Variants in ZDHHC18 observed in about 807,000 individuals in gnomAD.
ZDHHC18 encodes the protein zDHHC palmitoyltransferase 18, also known as palmitoyltransferase ZDHHC18.
ZDHHC18 carries 23 observed loss-of-function variants against 37.5 expected under a neutral mutation model. The ratio of observed to expected loss-of-function variants is 0.61; its 90% CI spans 0.44 to 0.87. The LOEUF (loss-of-function observed/expected upper bound fraction) is 0.87, where lower values mean the gene tolerates loss of function less well. Ranked by LOEUF, ZDHHC18 falls within the 40% of genes least tolerant of loss-of-function variation. ZDHHC18 has a pLI of 0.00. For missense variants in ZDHHC18, 406 were observed against 525.6 expected (o/e 0.77, Z 2.22); for synonymous variants, 185 against 218.7 (o/e 0.85, Z 1.36).
chr1:26,849,843 T>C (rs2081692995), intron 3 of ZDHHC18, among the ~76,000 whole-genome samples: 3 of 152,234 alleles, frequency 2.0e-5, no homozygotes, highest in Admixed American at 6.5e-5. Flanking sequence ...GTGCCGGCAC[T>C]GCTCTGGATC....
intron 2 of ZDHHC18, among the ~76,000 whole-genome samples, chr1:26,837,252 C>CA (rs201031285): frequency 0.016 from 1,978 of 126,342 alleles, 32 homozygotes; most frequent in African/African-American, 0.027. Context: ...GACTCTGTCT[C>CA]AAAAAAAATA....
At chr1:26,838,330 A>G (rs922234408) in intron 2 of ZDHHC18, among the ~76,000 whole-genome samples, 4 of 151,678 alleles carry the variant, frequency 2.6e-5, no homozygotes, top group African/African-American at 9.7e-5. Flanking sequence ...TTGTAGAAAC[A>G]GGGTCTTGCT....
intron 2 of ZDHHC18, among the ~76,000 whole-genome samples, chr1:26,846,186 CTATA>C (rs559321003): frequency 8.2e-6 from 1 of 121,506 alleles, no homozygotes; most frequent in South Asian, 2.7e-4. Context: ...ACACATATAT[CTATA>C]TACATACATA....
Position 26,832,564 on chromosome 1 carries a change from C to T in ZDHHC18, c.453C>T (p.Pro151=), listed in dbSNP as rs745473298. 4.3e-6 allele frequency: 7 copies of T among 1,614,066 alleles called. No homozygotes were observed. The highest frequency in any genetic ancestry group is 5.9e-6 in the Non-Finnish European group (7 of 1,180,030). Residue 151 remains proline, a synonymous_variant, in exon 2 of 8, where the codon CCC becomes CCT. Coordinates refer to ENST00000374142, the MANE Select transcript of ZDHHC18 (RefSeq NM_032283.3). ...QTSFTDPGIL[P]RATVCEAAAL... is the part of the protein sequence containing the mutation. ...GCTTCACCGACCCTGGGATCCTGCC[C>T]CGGGCCACTGTCTGTGAAGCAGCCG...
intron 2 of ZDHHC18, among the ~76,000 whole-genome samples, chr1:26,837,874 C>G (rs1387269218): frequency 6.6e-6 from 1 of 152,216 alleles, no homozygotes; most frequent in African/African-American, 2.4e-5. Context: ...CTGGCACCCC[C>G]AGCCACGCTG....
intron 1 of ZDHHC18, among the ~76,000 whole-genome samples, chr1:26,830,564 T>C (rs2081584349): frequency 6.6e-6 from 1 of 151,858 alleles, no homozygotes; most frequent in African/African-American, 2.4e-5. Flanking sequence ...GTACTTTGGA[T>C]GTTGCTAACA....
At chr1:26,831,656 G>A (rs1034811759) in intron 1 of ZDHHC18, among the ~76,000 whole-genome samples, 25 of 152,172 alleles carry the variant, frequency 1.6e-4, no homozygotes, top group African/African-American at 6.0e-4. Flanking sequence ...AGAGGGCTGT[G>A]GTAGGCAGCC....
chr1:26,855,964 C>T lies in ZDHHC18; in HGVS notation c.*2121C>T. The T allele has an allele frequency of 3.4e-6, 1 of 297,592 alleles. No homozygotes were observed. The highest frequency in any genetic ancestry group is 8.3e-5 in the East Asian group (1 of 12,002). The allele number at this position is 297,592 out of a possible 1,614,324, so 18.4% of individuals were successfully genotyped here. A position where few individuals can be genotyped will look rare whatever the true frequency, so the allele number is the denominator to read the frequency against. ...AGGCCATCCTGTCCCCTCTTTGTCC[C>T]CTCCACCTTCCCCTGCCTCAGGGGC... is the stretch of plus-strand genomic sequence containing the variant. On this transcript the variant is annotated 3_prime_UTR_variant, in exon 8 of 8. Coordinates refer to ENST00000374142, the MANE Select transcript of ZDHHC18 (RefSeq NM_032283.3).
At chr1:26,849,359 G>T (rs2081689650) in intron 3 of ZDHHC18, among the ~76,000 whole-genome samples, 1 of 152,140 alleles carries the variant, frequency 6.6e-6, no homozygotes, top group African/African-American at 2.4e-5. Context: ...TGTTGTAAGG[G>T]AAATAATGCA....
At chr1:26,836,704 G>A (rs2081613471) in intron 2 of ZDHHC18, among the ~76,000 whole-genome samples, 1 of 150,356 alleles carries the variant, frequency 6.7e-6, no homozygotes. Context: ...GAGTAGCTGG[G>A]ACTACAGGCA....
intron 5 of ZDHHC18, 50 bp from the exon 6 acceptor site, chr1:26,851,079 G>C (rs1295758115): frequency 1.3e-6 from 2 of 1,547,092 alleles, no homozygotes; most frequent in Admixed American, 3.3e-5. Context: ...GCCAGGTGTG[G>C]CTGGGAGGCT....
rs2081559285 is a variant in ZDHHC18 at position 26,826,877 on chromosome 1, C to G, written c.73C>G (p.Pro25Ala). 1.0e-6 allele frequency: 1 copy of G among 980,226 alleles called. No individual in the cohort carries two copies. Among genetic ancestry groups the G allele is most frequent in the South Asian group, 4.5e-5 (1 of 22,094 alleles). The allele number at this position is 980,226 out of a possible 1,614,324, so 60.7% of individuals were successfully genotyped here. Residue 25 changes from proline (P) to alanine (A), a missense_variant, in exon 1 of 8, where the codon CCC (proline) becomes GCC (alanine). Transcript: ENST00000374142. The surrounding 1 kb of genome is among the most constrained non-coding windows in gnomAD (Gnocchi z 5.2). ...GCCCGCCTCCCCGGGGGCGCGCCGT[C>G]CCGGCCCCGCCGCGTCCCCGACTCC... ...PLPASPGARR[P>A]GPAASPTPGP...
In ZDHHC18 at chr1:26,850,311, C is replaced by T. The variant is rs2081695745; in HGVS notation, c.657C>T (p.Asp219=). 1 of 1,614,098 alleles carries T rather than the reference C, an allele frequency of 6.2e-7. No homozygotes were observed. The highest frequency in any genetic ancestry group is 1.3e-5 in the African/African-American group (1 of 74,944). Residue 219 remains aspartate, a synonymous_variant, in exon 4 of 8, where the codon GAC becomes GAT. Transcript: ENST00000374142. This position sits in a 1 kb window ranked among gnomAD's most constrained non-coding sequence, Gnocchi z 6.1. ...CTTGCCCTTGTCCAGAACGATTTGA[C>T]CATCACTGCCCCTGGGTGGGCAACT... ...SVCDNCVERF[D]HHCPWVGNCV...
chr1:26,850,515 AC>A lies in ZDHHC18; in HGVS notation c.785-42del. The A allele has an allele frequency of 6.2e-7, 1 of 1,614,186 alleles. No homozygotes were observed. The highest frequency in any genetic ancestry group is 1.7e-4 in the Middle Eastern group (1 of 6,060). On this transcript the variant is annotated intron_variant, in intron 4 of 7. Transcript: ENST00000374142. The surrounding 1 kb of genome is among the most constrained non-coding windows in gnomAD (Gnocchi z 6.1). ...CAAGGGTCAGCAAGCTTCAGCAGTC[AC>A]TGTCCCTCTGAGCTTGTCCTCTCCT...
Position 26,827,153 on chromosome 1 carries a change from C to A in ZDHHC18, c.335+14C>A. ...CTTCGTCTTTGAGTGAGTTCCGCTG[C>A]CTCGGCGCCCCCTCCCAGCCCCCTG... On this transcript the variant is annotated intron_variant, in intron 1 of 7. Transcript: ENST00000374142. 7.3e-7 allele frequency: 1 copy of A among 1,379,204 alleles called. No homozygotes were observed. Among genetic ancestry groups the A allele is most frequent in the Non-Finnish European group, 9.3e-7 (1 of 1,070,372 alleles). The allele number at this position is 1,379,204 out of a possible 1,614,324, so 85.4% of individuals were successfully genotyped here. A position where few individuals can be genotyped will look rare whatever the true frequency, so the allele number is the denominator to read the frequency against.
chr1:26,828,360 T>G (rs975510368), intron 1 of ZDHHC18, among the ~76,000 whole-genome samples: 2 of 152,024 alleles, frequency 1.3e-5, no homozygotes, highest in African/African-American at 4.8e-5. Flanking sequence ...GGGCAGTCAC[T>G]TCACCCCCTC....
chr1:26,832,217 A>G (rs914780730), intron 1 of ZDHHC18: 14 of 556,948 alleles, frequency 2.5e-5, no homozygotes, highest in Admixed American at 6.3e-5. Context: ...CACATCTGCC[A>G]TGTGCTCTGG....
At chr1:26,844,822 C>T (rs1052724875) in intron 2 of ZDHHC18, among the ~76,000 whole-genome samples, 3 of 151,964 alleles carry the variant, frequency 2.0e-5, no homozygotes, top group African/African-American at 7.3e-5. Flanking sequence ...GTTTGGACAG[C>T]CTCTTTTATG....
In ZDHHC18 at chr1:26,830,513, C is replaced by CAGTAACTATCTGTAG. The variant is rs1557639624; in HGVS notation, c.336-1933_336-1932insGTAACTATCTGTAGA. Among the ~76,000 whole-genome samples the CAGTAACTATCTGTAG allele has an allele frequency of 1.8e-3, 272 of 151,796 alleles. 1 individual carries two copies. Among genetic ancestry groups the CAGTAACTATCTGTAG allele is most frequent in the African/African-American group, 6.4e-3 (262 of 41,128 alleles). The stretch of plus-strand genomic sequence containing the variant: ...CTGTAGATAGTACAGTAACTATCTA[C>CAGTAACTATCTGTAG]ATAGTACAGTAACTATCTGTACATA... On this transcript the variant is annotated intron_variant, in intron 1 of 7. Coordinates refer to ENST00000374142, the MANE Select transcript of ZDHHC18 (RefSeq NM_032283.3).
Sources: allele counts gnomAD v4.1 joint callset (sites outside exome capture counted in the v4.1 genomes callset), GRCh38; gene constraint gnomAD v4.1.1; non-coding constraint Gnocchi (gnomAD v3.1); transcripts MANE v1.5; gene names NCBI Gene and HGNC (gene_info 2026-07-23, HGNC 2026-07-21).